RBFOX1: variants seen among roughly 807,000 people sequenced by gnomAD.
The protein encoded by RBFOX1 is RNA binding protein fox-1 homolog 1.
RBFOX1 carries 8 observed loss-of-function variants against 57.7 expected under a neutral mutation model. That is an observed-to-expected ratio of 0.14 (90% confidence interval 0.08 to 0.25). RBFOX1 has a LOEUF of 0.25. Ranked by LOEUF, RBFOX1 falls within the 10% of genes least tolerant of loss-of-function variation. RBFOX1 has a pLI of 1.00. For missense variants in RBFOX1, 611 were observed against 548.5 expected (o/e 1.11, Z -1.14); for synonymous variants, 326 against 222.4 (o/e 1.47, Z -4.15).
At chr16:7,701,737 T>C (rs1047330388) in intron 14 of RBFOX1, among the ~76,000 whole-genome samples, 4 of 151,808 alleles carry the variant, frequency 2.6e-5, no homozygotes, top group Non-Finnish European at 2.9e-5. Flanking sequence ...GAGAAGGCTA[T>C]AGTAACCACA....
chr16:7,287,679 C>T (rs187889637), intron 4 of RBFOX1, among the ~76,000 whole-genome samples: 13 of 151,764 alleles, frequency 8.6e-5, no homozygotes, highest in Non-Finnish European at 1.3e-4. Context: ...TGATAAAAGT[C>T]GCCTCTCAAC....
At position 6,380,465 on chromosome 16, in the gene RBFOX1, G is replaced by C. The variant is rs140120794; in HGVS notation, c.-64+63408G>C. 3.2e-3 allele frequency among the ~76,000 whole-genome samples: 408 copies of C among 126,012 alleles called. 6 individuals carry two copies. The highest frequency in any genetic ancestry group is 0.012 in the African/African-American group (396 of 31,830). 82.7% of individuals were successfully genotyped at this position (126,012 alleles called of 152,430 possible). A position where few individuals can be genotyped will look rare whatever the true frequency, so the allele number is the denominator to read the frequency against. On this transcript the variant is annotated intron_variant, in intron 2 of 15. Transcript: ENST00000550418. ...TTTTTTTAGTAGAACTCAGCAGCTT[G>C]GGTCTAGACACAGAGAAAATGGACA...
intron 4 of RBFOX1, among the ~76,000 whole-genome samples, chr16:7,155,741 A>ACG: frequency 9.5e-6 from 1 of 105,516 alleles, no homozygotes; most frequent in Non-Finnish European, 1.9e-5. Flanking sequence ...ATATATATAC[A>ACG]CACACACACA....
At chr16:6,534,668 G>T (rs2096711185) in intron 2 of RBFOX1, among the ~76,000 whole-genome samples, 1 of 152,152 alleles carries the variant, frequency 6.6e-6, no homozygotes, top group Admixed American at 6.5e-5. Flanking sequence ...AAAAATCTTG[G>T]TTATAAAAGT....
intron 3 of RBFOX1, among the ~76,000 whole-genome samples, chr16:6,933,574 GT>G (rs1400765692): frequency 6.6e-6 from 1 of 152,172 alleles, no homozygotes; most frequent in Non-Finnish European, 1.5e-5. Context: ...TTATCCAGGT[GT>G]GGTGGCAAGC....
chr16:6,818,596 C>T (rs139747279), intron 3 of RBFOX1, among the ~76,000 whole-genome samples: 111 of 152,270 alleles, frequency 7.3e-4, no homozygotes, highest in African/African-American at 2.5e-3. Context: ...TCTCATTTAA[C>T]CTCTAGTAGG....
intron 4 of RBFOX1, among the ~76,000 whole-genome samples, chr16:7,297,273 G>A (rs2095914684): frequency 6.6e-6 from 1 of 152,308 alleles, no homozygotes; most frequent in Non-Finnish European, 1.5e-5. Flanking sequence ...ACCCCACCCT[G>A]TGAGATGGGT....
chr16:6,934,545 TAAAAAG>T (rs1002724143), intron 3 of RBFOX1, among the ~76,000 whole-genome samples: 1 of 152,092 alleles, frequency 6.6e-6, no homozygotes, highest in Non-Finnish European at 1.5e-5. Flanking sequence ...TATTTGGACA[TAAAAAG>T]AAGGAATTTT....
intron 3 of RBFOX1, among the ~76,000 whole-genome samples, chr16:5,692,247 T>G (rs2050711260): frequency 6.6e-6 from 1 of 151,540 alleles, no homozygotes; most frequent in Non-Finnish European, 1.5e-5. Context: ...GCACAGAAGC[T>G]CCATTTGTTG....
At chr16:5,908,941 G>C (rs1177510168) in intron 4 of RBFOX1, among the ~76,000 whole-genome samples, 1 of 151,976 alleles carries the variant, frequency 6.6e-6, no homozygotes, top group Non-Finnish European at 1.5e-5. Flanking sequence ...CTGTCAACAG[G>C]GGAAGTGAGC....
At chr16:7,613,259 G>C (rs1270713772) in intron 10 of RBFOX1, among the ~76,000 whole-genome samples, 1 of 152,156 alleles carries the variant, frequency 6.6e-6, no homozygotes, top group Non-Finnish European at 1.5e-5. Context: ...TTTTGAGAGG[G>C]AAAAGAAAAT....
chr16:7,266,498 T>G (rs1301694742), intron 4 of RBFOX1, among the ~76,000 whole-genome samples: 1 of 152,156 alleles, frequency 6.6e-6, no homozygotes, highest in Non-Finnish European at 1.5e-5. Context: ...AATTACTCAG[T>G]CTCTGGTATT....
At chr16:7,085,084 G>A (rs2059785580) in intron 4 of RBFOX1, among the ~76,000 whole-genome samples, 1 of 147,830 alleles carries the variant, frequency 6.8e-6, no homozygotes, top group South Asian at 2.1e-4. Context: ...CTATATGAAC[G>A]CCGTATCTAA....
chr16:6,688,108 G>T (rs1473495235), intron 3 of RBFOX1, among the ~76,000 whole-genome samples: 1 of 152,086 alleles, frequency 6.6e-6, no homozygotes. Flanking sequence ...GATTTCATTG[G>T]CTCCGGGTTC....
chr16:6,001,936 C>G (rs1305992817), intron 4 of RBFOX1, among the ~76,000 whole-genome samples: 1 of 151,646 alleles, frequency 6.6e-6, no homozygotes, highest in African/African-American at 2.4e-5. Flanking sequence ...GAAATTTTCC[C>G]TTCAAACATG....
intron 2 of RBFOX1, among the ~76,000 whole-genome samples, chr16:5,468,118 G>A (rs1000208098): frequency 1.3e-5 from 2 of 152,194 alleles, no homozygotes; most frequent in African/African-American, 2.4e-5. Context: ...CCCTTCCCCA[G>A]GTTCCTACTG....
At chr16:5,342,231 G>A (rs561597704) in intron 1 of RBFOX1, among the ~76,000 whole-genome samples, 8 of 152,140 alleles carry the variant, frequency 5.3e-5, no homozygotes, top group Non-Finnish European at 1.2e-4. Context: ...TTCCAAAGGT[G>A]GCCTCTGCAG....
chr16:5,273,311 C>T (rs1475662790), intron 1 of RBFOX1, among the ~76,000 whole-genome samples: 1 of 151,776 alleles, frequency 6.6e-6, no homozygotes, highest in Non-Finnish European at 1.5e-5. Context: ...TCCCATTATA[C>T]AGACACTAAT....
chr16:7,189,503 C>T lies in RBFOX1; in HGVS notation c.27+137405C>T, dbSNP rs142559934. Among the ~76,000 whole-genome samples, 53 of 147,276 alleles carry T rather than the reference C, an allele frequency of 3.6e-4. No individual in the cohort carries two copies. The East Asian group carries it at 0.011, about 29-fold the overall frequency. On this transcript the variant is annotated intron_variant, in intron 4 of 15. Transcript: ENST00000550418. ...GGAGACCCACACTGATTCAGGTATT[C>T]TCTCCAGTTTAGAATACATTGCCCC... is the stretch of plus-strand genomic sequence containing the variant.
Sources: gnomAD v4.1 joint callset for allele counts (sites outside exome capture counted in the v4.1 genomes callset) on GRCh38, gnomAD v4.1.1 for gene constraint, MANE v1.5 for transcripts, NCBI Gene and HGNC (gene_info 2026-07-23, HGNC 2026-07-21) for gene names.